The following WWOX variants were observed in gnomAD, a reference collection of about 807,000 sequenced individuals.
The protein encoded by WWOX is WW domain-containing oxidoreductase.
In WWOX, 69 loss-of-function variants were observed where a neutral mutation model predicts 46.2. The ratio of observed to expected loss-of-function variants is 1.49; its 90% confidence interval spans 1.23 to 1.82. The LOEUF is 1.82. WWOX is among the 40% of genes most tolerant of loss of function. The pLI, the probability that WWOX is intolerant of heterozygous loss-of-function variation, is 0.00. For missense variants in WWOX, 919 were observed against 542.6 expected (o/e 1.69, Z -6.89); for synonymous variants, 359 against 202.6 (o/e 1.77, Z -6.56).
chr16:78,700,873 A>G (rs954244430), intron 8 of WWOX, among the ~76,000 whole-genome samples: 6 of 152,218 alleles, frequency 3.9e-5, no homozygotes, highest in African/African-American at 1.4e-4. Flanking sequence ...ATTGAGGTTT[A>G]TTGAAAACCA....
chr16:78,245,593 C>T (rs899081767), intron 5 of WWOX, among the ~76,000 whole-genome samples: 1 of 152,124 alleles, frequency 6.6e-6, no homozygotes, highest in Non-Finnish European at 1.5e-5. Context: ...GGCCAAATAA[C>T]CAGCTTATTT....
intron 5 of WWOX, among the ~76,000 whole-genome samples, chr16:78,317,752 A>G (rs1393976978): frequency 6.6e-6 from 1 of 151,976 alleles, no homozygotes; most frequent in Non-Finnish European, 1.5e-5. Flanking sequence ...CGGTGTCCTC[A>G]CCTTGATTTA....
At chr16:78,815,921 C>A (rs922613655) in intron 8 of WWOX, among the ~76,000 whole-genome samples, 1 of 152,156 alleles carries the variant, frequency 6.6e-6, no homozygotes, top group Non-Finnish European at 1.5e-5. Flanking sequence ...TCTCCCCAAC[C>A]CATTCACTGG....
chr16:78,447,426 A>G (rs1351677298), intron 8 of WWOX, among the ~76,000 whole-genome samples: 9 of 152,262 alleles, frequency 5.9e-5, no homozygotes, highest in Admixed American at 5.2e-4. Flanking sequence ...AGACAAGGAC[A>G]CTGAAGTTTA....
At chr16:78,469,855 C>G (rs969024099) in intron 8 of WWOX, among the ~76,000 whole-genome samples, 1 of 152,196 alleles carries the variant, frequency 6.6e-6, no homozygotes, top group Admixed American at 6.5e-5. Context: ...ATTTGCTAAA[C>G]AGATCTAAGA....
chr16:78,558,433 A>G lies in WWOX; in HGVS notation c.1056+125681A>G, dbSNP rs118104381. The stretch of plus-strand genomic sequence containing the variant: ...TTGGGATTTCCTGCTTATCTCGACA[A>G]AGCAGATCTGGCATCCTTTGCCTGC... On this transcript the variant is annotated intron_variant, in intron 8 of 8. Coordinates refer to ENST00000566780, the MANE Select transcript of WWOX (RefSeq NM_016373.4). Among the ~76,000 whole-genome samples, 1,026 of 152,310 alleles carry G rather than the reference A, an allele frequency of 6.7e-3. 9 individuals carry two copies. The highest frequency in any genetic ancestry group is 9.6e-3 in the Non-Finnish European group (653 of 68,026).
At chr16:78,771,885 G>T (rs547342427) in intron 8 of WWOX, among the ~76,000 whole-genome samples, 1 of 152,192 alleles carries the variant, frequency 6.6e-6, no homozygotes, top group Admixed American at 6.5e-5. Flanking sequence ...AAGTTAAAAT[G>T]ACAAATTTTG....
chr16:78,499,717 C>G (rs1050792080), intron 8 of WWOX, among the ~76,000 whole-genome samples: 1 of 152,060 alleles, frequency 6.6e-6, no homozygotes, highest in African/African-American at 2.4e-5. Flanking sequence ...TTTTTTTAAT[C>G]TGTAGCTCCA....
chr16:79,088,248 C>T (rs892821382), intron 8 of WWOX, among the ~76,000 whole-genome samples: 2 of 152,178 alleles, frequency 1.3e-5, no homozygotes, highest in African/African-American at 4.8e-5. Flanking sequence ...TCCCTAAGCA[C>T]AGCCTGTGGA....
intron 8 of WWOX, among the ~76,000 whole-genome samples, chr16:78,586,441 T>C (rs189229050): frequency 6.7e-4 from 102 of 152,316 alleles, no homozygotes; most frequent in Non-Finnish European, 1.3e-3. Flanking sequence ...GTTTTGTTTT[T>C]CTACTTGAAT....
chr16:78,406,528 A>G (rs1379936501), intron 6 of WWOX, among the ~76,000 whole-genome samples: 4 of 145,160 alleles, frequency 2.8e-5, no homozygotes, highest in African/African-American at 7.6e-5. Context: ...AATTTTTTGT[A>G]TTTTAGTAGA....
chr16:79,134,636 C>T (rs929493084), intron 8 of WWOX, among the ~76,000 whole-genome samples: 25 of 152,302 alleles, frequency 1.6e-4, no homozygotes, highest in Admixed American at 7.2e-4. Flanking sequence ...CATACAGACA[C>T]ACACAGAAAC....
At chr16:78,691,980 C>A (rs1227404247) in intron 8 of WWOX, among the ~76,000 whole-genome samples, 1 of 152,162 alleles carries the variant, frequency 6.6e-6, no homozygotes, top group Non-Finnish European at 1.5e-5. Flanking sequence ...TCAGGAGTTT[C>A]CGCTTTTGCT....
intron 8 of WWOX, among the ~76,000 whole-genome samples, chr16:78,785,819 A>G (rs1034709296): frequency 6.6e-6 from 1 of 152,240 alleles, no homozygotes; most frequent in Non-Finnish European, 1.5e-5. Context: ...TAAAATACCA[A>G]AAAATATTTC....
intron 5 of WWOX, among the ~76,000 whole-genome samples, chr16:78,203,283 A>G (rs908185004): frequency 2.0e-5 from 3 of 152,124 alleles, no homozygotes; most frequent in Non-Finnish European, 4.4e-5. Context: ...GGGGGCCCCA[A>G]GTAGATGACT....
chr16:79,161,919 AG>A (rs1272462292), intron 8 of WWOX, among the ~76,000 whole-genome samples: 1 of 152,210 alleles, frequency 6.6e-6, no homozygotes, highest in African/African-American at 2.4e-5. Flanking sequence ...TTTCCCTCCC[AG>A]GCCTTGGAAA....
At chr16:78,496,921 CT>C (rs1402942463) in intron 8 of WWOX, among the ~76,000 whole-genome samples, 1 of 152,200 alleles carries the variant, frequency 6.6e-6, no homozygotes, top group Non-Finnish European at 1.5e-5. Flanking sequence ...TGATTCTCTC[CT>C]TTCCCGCCCT....
chr16:78,165,637 C>T (rs993482607), intron 5 of WWOX, among the ~76,000 whole-genome samples: 2 of 152,104 alleles, frequency 1.3e-5, no homozygotes, highest in Non-Finnish European at 2.9e-5. Flanking sequence ...GGGCTGGGTA[C>T]ACCCTGTGGA....
chr16:79,121,476 A>G (rs755818697), intron 8 of WWOX, among the ~76,000 whole-genome samples: 6 of 152,168 alleles, frequency 3.9e-5, no homozygotes, highest in Admixed American at 6.5e-5. Flanking sequence ...TGACTTGGGC[A>G]TTGGTTTCTG....
Sources: allele counts gnomAD v4.1 joint callset (sites outside exome capture counted in the v4.1 genomes callset), GRCh38; gene constraint gnomAD v4.1.1; transcripts MANE v1.5; gene names NCBI Gene and HGNC (gene_info 2026-07-23, HGNC 2026-07-21).